Variants in DPYSL3 observed in about 807,000 individuals in gnomAD.
The protein encoded by DPYSL3 is dihydropyrimidinase-related protein 3.
A neutral mutation model predicts 66.1 loss-of-function variants in DPYSL3; 16 were observed. The ratio of observed to expected loss-of-function variants is 0.24; its 90% CI spans 0.16 to 0.37. The LOEUF (loss-of-function observed/expected upper bound fraction) is 0.37. Ranked by LOEUF, DPYSL3 falls within the 10% of genes least tolerant of loss-of-function variation. The probability of loss-of-function intolerance (pLI) is 1.00; values close to 1 mark genes in which losing one functional copy is unlikely to be tolerated. For synonymous variants in DPYSL3, 338 were observed against 345.1 expected (o/e 0.98, Z 0.23); for missense variants, 738 against 916.2 (o/e 0.81, Z 2.51).
chr5:147,485,728 A>T (rs1315566242), intron 1 of DPYSL3, among the ~76,000 whole-genome samples: 9 of 152,164 alleles, frequency 5.9e-5, no homozygotes, highest in Middle Eastern at 3.2e-3. Context: ...AACAGCACTG[A>T]CCTGGGAAAT....
chr5:147,408,786 C>A lies in DPYSL3; in HGVS notation c.974G>T (p.Arg325Leu), dbSNP rs755481306. The change falls in exon 7 of 14, where the codon CGC becomes CTC. Residue 325 changes from arginine (R) to leucine (L), a missense_variant. Transcript: ENST00000343218. ...GCCAGTTATCCCCATTTCCAACATG[C>A]GGGTTTGCTCCTGAAATGAAAAAAG... ...NGDIIAQEQT[R>L]MLEMGITGPE... 6.2e-7 allele frequency: 1 copy of A among 1,614,102 alleles called. No individual in the cohort carries two copies. Among genetic ancestry groups the A allele is most frequent in the Non-Finnish European group, 8.5e-7 (1 of 1,180,014 alleles).
chr5:147,419,882 A>T (rs1055100963), intron 2 of DPYSL3, among the ~76,000 whole-genome samples: 1 of 152,210 alleles, frequency 6.6e-6, no homozygotes, highest in African/African-American at 2.4e-5. Context: ...ATACTGGCCA[A>T]TTCTGTTCTC....
rs187077626 is a variant in DPYSL3, at chr5:147,475,920, C to A, written c.381+33558G>T. 1.2e-4 allele frequency among the ~76,000 whole-genome samples: 19 copies of A among 152,210 alleles called. No homozygotes were observed. In the East Asian group the frequency reaches 3.5e-3, roughly 28 times the overall value. On this transcript the variant is annotated intron_variant, in intron 1 of 13. Transcript: ENST00000343218. ...CAAAAATGAATGTATTATTATGATT[C>A]TGTTTCTGCAGATAACAATAGTAAT...
chr5:147,449,181 G>A (rs770147320), intron 1 of DPYSL3, among the ~76,000 whole-genome samples: 1 of 152,038 alleles, frequency 6.6e-6, no homozygotes, highest in Non-Finnish European at 1.5e-5. Flanking sequence ...TCTAGTTCTA[G>A]GCCCCCAGCT....
At chr5:147,471,223 G>A (rs956532635) in intron 1 of DPYSL3, among the ~76,000 whole-genome samples, 6 of 152,054 alleles carry the variant, frequency 3.9e-5, no homozygotes, top group Admixed American at 3.9e-4. Flanking sequence ...CATATTAACA[G>A]GATATCATCT....
intron 1 of DPYSL3, among the ~76,000 whole-genome samples, chr5:147,432,685 T>C (rs956785657): frequency 3.3e-5 from 5 of 152,232 alleles, no homozygotes; most frequent in Non-Finnish European, 7.3e-5. Context: ...GCTGGGTCTG[T>C]GTAGCTCAAA....
intron 1 of DPYSL3, among the ~76,000 whole-genome samples, chr5:147,469,781 T>C (rs1341085637): frequency 1.3e-5 from 2 of 152,212 alleles, no homozygotes; most frequent in African/African-American, 4.8e-5. Flanking sequence ...AATCCTTAGC[T>C]CTAGCCAGCC....
intron 8 of DPYSL3, among the ~76,000 whole-genome samples, chr5:147,402,684 A>G (rs1166983652): frequency 1.3e-5 from 2 of 152,100 alleles, no homozygotes; most frequent in Non-Finnish European, 2.9e-5. Context: ...TACTCCTAAC[A>G]TGATGACTTG....
At chr5:147,423,697 TTTTGTTTGTTTG>T (rs143844309) in intron 2 of DPYSL3, among the ~76,000 whole-genome samples, 23 of 150,498 alleles carry the variant, frequency 1.5e-4, no homozygotes, top group Admixed American at 9.3e-4. Flanking sequence ...CACAAGCTGG[TTTTGTTTGTTTG>T]TTTGTTTGTT....
At chr5:147,434,611 G>A (rs573968754) in intron 1 of DPYSL3, among the ~76,000 whole-genome samples, 1 of 152,252 alleles carries the variant, frequency 6.6e-6, no homozygotes, top group South Asian at 2.1e-4. Context: ...AATACAGAAG[G>A]TGAATAGAGA....
intron 1 of DPYSL3, among the ~76,000 whole-genome samples, chr5:147,479,272 C>T (rs948943081): frequency 6.6e-6 from 1 of 152,192 alleles, no homozygotes; most frequent in Non-Finnish European, 1.5e-5. Context: ...TAATAAAACA[C>T]TGAGCAGGGA....
intron 7 of DPYSL3, among the ~76,000 whole-genome samples, chr5:147,407,517 T>C (rs973697990): frequency 1.3e-5 from 2 of 152,192 alleles, no homozygotes; most frequent in Admixed American, 6.5e-5. Flanking sequence ...ACAATGCTGA[T>C]TACCCTGGTC....
chr5:147,480,694 A>AATAT (rs1253015682), intron 1 of DPYSL3, among the ~76,000 whole-genome samples: 1,538 of 138,704 alleles, frequency 0.011, 33 homozygotes, highest in African/African-American at 0.038. Context: ...ACACATCATG[A>AATAT]ATATATATAT....
intron 6 of DPYSL3, among the ~76,000 whole-genome samples, chr5:147,410,351 G>A (rs149466461): frequency 6.6e-6 from 1 of 152,214 alleles, no homozygotes; most frequent in African/African-American, 2.4e-5. Flanking sequence ...AGAATACCTG[G>A]AATTAGAAAA....
chr5:147,404,155 A>G (rs897486704), intron 8 of DPYSL3, among the ~76,000 whole-genome samples: 1 of 152,132 alleles, frequency 6.6e-6, no homozygotes, highest in Non-Finnish European at 1.5e-5. Flanking sequence ...ATGAGTGAGG[A>G]GCACTGGGCT....
intron 1 of DPYSL3, among the ~76,000 whole-genome samples, chr5:147,476,103 T>C (rs1047446474): frequency 2.6e-5 from 4 of 152,132 alleles, no homozygotes; most frequent in Non-Finnish European, 5.9e-5. Context: ...ATATAGCAAG[T>C]AAGTGGTAGA....
At chr5:147,477,620 G>A (rs1227234314) in intron 1 of DPYSL3, among the ~76,000 whole-genome samples, 1 of 120,676 alleles carries the variant, frequency 8.3e-6, no homozygotes, top group Non-Finnish European at 1.6e-5. Flanking sequence ...CTGTCGCCCA[G>A]GCCGGACTGC....
intron 4 of DPYSL3, among the ~76,000 whole-genome samples, chr5:147,415,023 A>G (rs1751932955): frequency 6.6e-6 from 1 of 152,096 alleles, no homozygotes; most frequent in Non-Finnish European, 1.5e-5. Context: ...GTGTGCCTGT[A>G]TGTGGGGGGG....
rs200312778 is a variant in DPYSL3, at chr5:147,465,046, TAGC to T, written c.382-40086_382-40084del. On this transcript the variant is annotated intron_variant, in intron 1 of 13. Transcript: ENST00000343218. ...TTTTCTCTACAAAAGTTTTAAAAAT[TAGC>T]TGAACGTGGTGGCACATGCCTGTAA... 8.2e-3 allele frequency among the ~76,000 whole-genome samples: 1,247 copies of T among 152,134 alleles called. 8 individuals are homozygous for T. The highest frequency in any genetic ancestry group is 0.017 in the Middle Eastern group (5 of 294).
Sources: allele counts gnomAD v4.1 joint callset (sites outside exome capture counted in the v4.1 genomes callset), GRCh38; gene constraint gnomAD v4.1.1; transcripts MANE v1.5; gene names NCBI Gene and HGNC (gene_info 2026-07-23, HGNC 2026-07-21).